The following AFF3 variants were observed in gnomAD, a reference collection of about 807,000 sequenced individuals.
The protein encoded by AFF3 is ALF transcription elongation factor 3, also known as AF4/FMR2 family member 3.
AFF3 carries 32 observed loss-of-function variants against 129.7 expected under a neutral mutation model. That is an observed-to-expected ratio of 0.25 (90% CI 0.19 to 0.33). The LOEUF (loss-of-function observed/expected upper bound fraction) is 0.33. AFF3 is among the 10% of genes least tolerant of loss of function. The pLI, the probability that AFF3 is intolerant of heterozygous loss-of-function variation, is 1.00. For synonymous variants in AFF3, 644 were observed against 635.4 expected, an observed-to-expected ratio of 1.01 and a Z score of -0.20; for missense variants, 1,373 against 1,592.0, an observed-to-expected ratio of 0.86 and a Z score of 2.34.
intron 13 of AFF3, among the ~76,000 whole-genome samples, chr2:99,611,691 A>G (rs1237314004): frequency 2.6e-5 from 4 of 152,160 alleles, no homozygotes; most frequent in Non-Finnish European, 5.9e-5. Context: ...GTTCGAGAGC[A>G]GCCTGGCCAA....
intron 2 of AFF3, chr2:100,106,867 A>G (rs1021191870): frequency 1.4e-5 from 14 of 985,292 alleles, no homozygotes; most frequent in Non-Finnish European, 1.4e-5. Context: ...ATGATCCCAG[A>G]AAAGGAAAGA....
At chr2:99,754,538 A>C (rs1456599937) in intron 8 of AFF3, among the ~76,000 whole-genome samples, 1 of 152,270 alleles carries the variant, frequency 6.6e-6, no homozygotes, top group Non-Finnish European at 1.5e-5. Flanking sequence ...GCTAAAATCC[A>C]AAAAGATAAA....
chr2:99,895,660 C>T (rs1693881334), intron 7 of AFF3, among the ~76,000 whole-genome samples: 1 of 152,062 alleles, frequency 6.6e-6, no homozygotes, highest in East Asian at 1.9e-4. Flanking sequence ...TCCATCCTTG[C>T]TGACGAACAG....
At chr2:99,860,802 T>C (rs913612391) in intron 7 of AFF3, among the ~76,000 whole-genome samples, 35 of 152,106 alleles carry the variant, frequency 2.3e-4, no homozygotes, top group Non-Finnish European at 2.6e-4. Context: ...TCACCTGACA[T>C]ATGTATATAT....
At chr2:99,727,291 T>C (rs1679438047) in intron 10 of AFF3, among the ~76,000 whole-genome samples, 163 bp from the exon 11 acceptor site, 1 of 152,206 alleles carries the variant, frequency 6.6e-6, no homozygotes, top group Non-Finnish European at 1.5e-5. Flanking sequence ...ATTTGCAAAA[T>C]AATTTCTTTT....
At chr2:100,130,423 G>A (rs1045261579) in intron 1 of AFF3, among the ~76,000 whole-genome samples, 1 of 152,152 alleles carries the variant, frequency 6.6e-6, no homozygotes, top group Non-Finnish European at 1.5e-5. Context: ...GCACCCCATG[G>A]GCACAGGGCT....
rs576287750 is a variant in AFF3 at position 99,948,038 on chromosome 2, T to C, written c.873+58594A>G. Among the ~76,000 whole-genome samples, 10 of 152,156 alleles carry C rather than the reference T, an allele frequency of 6.6e-5. 1 individual carries two copies. The South Asian group carries it at 1.9e-3, about 28-fold the overall frequency. On this transcript the variant is annotated intron_variant, in intron 7 of 24. Coordinates refer to ENST00000672756, the MANE Select transcript of AFF3 (RefSeq NM_001386135.1). ...ACTGAATGCTTTTAAGCCAAGAAGGTTGTGACAATTGTATTTAAAAGCAAT... is the reference window on the plus strand; with the variant it reads ...ACTGAATGCTTTTAAGCCAAGAAGGCTGTGACAATTGTATTTAAAAGCAAT...
At chr2:100,059,115 T>C (rs1218090454) in intron 4 of AFF3, among the ~76,000 whole-genome samples, 1 of 151,568 alleles carries the variant, frequency 6.6e-6, no homozygotes, top group Non-Finnish European at 1.5e-5. Flanking sequence ...TAGCCAGGCT[T>C]GGTGGTGGGT....
intron 11 of AFF3, among the ~76,000 whole-genome samples, chr2:99,693,598 G>A (rs6744428): frequency 6.6e-6 from 1 of 151,950 alleles, no homozygotes; most frequent in Non-Finnish European, 1.5e-5. Flanking sequence ...CAATTTGTAA[G>A]TCTTAGATTT....
intron 1 of AFF3, among the ~76,000 whole-genome samples, chr2:100,130,858 C>T (rs1478045379): frequency 2.0e-5 from 3 of 152,034 alleles, no homozygotes; most frequent in Non-Finnish European, 4.4e-5. Context: ...AGGGCACCTG[C>T]TAGGCCAGAA....
intron 7 of AFF3, among the ~76,000 whole-genome samples, chr2:99,963,881 T>A (rs1677474057): frequency 6.6e-6 from 1 of 152,034 alleles, no homozygotes; most frequent in Non-Finnish European, 1.5e-5. Context: ...TATTAGAAAC[T>A]GATTTCACAT....
At chr2:99,680,426 G>A (rs1004882722) in intron 11 of AFF3, among the ~76,000 whole-genome samples, 1 of 152,124 alleles carries the variant, frequency 6.6e-6, no homozygotes, top group Admixed American at 6.5e-5. Context: ...ATCCTTTCCC[G>A]GGCAGACAGC....
chr2:99,913,560 C>T (rs780044899), intron 7 of AFF3, among the ~76,000 whole-genome samples: 16 of 152,114 alleles, frequency 1.1e-4, no homozygotes, highest in African/African-American at 2.2e-4. Context: ...GTCCAATGAA[C>T]GGGCCTAGAA....
At chr2:99,770,388 C>A (rs1223107265) in intron 8 of AFF3, among the ~76,000 whole-genome samples, 1 of 152,226 alleles carries the variant, frequency 6.6e-6, no homozygotes, top group Admixed American at 6.5e-5. Flanking sequence ...GCAGTAGACT[C>A]CCCTCTGGCC....
chr2:99,653,729 C>A (rs964154600), intron 12 of AFF3, among the ~76,000 whole-genome samples: 1 of 152,154 alleles, frequency 6.6e-6, no homozygotes, highest in Non-Finnish European at 1.5e-5. Flanking sequence ...AACAAAAGGT[C>A]CTTCTGGGCC....
intron 7 of AFF3, among the ~76,000 whole-genome samples, chr2:99,871,308 C>T (rs895947752): frequency 6.6e-6 from 1 of 152,156 alleles, no homozygotes; most frequent in Non-Finnish European, 1.5e-5. Context: ...CAATTGGTTT[C>T]GGATGGACAG....
At chr2:99,990,033 A>G (rs558717842) in intron 7 of AFF3, among the ~76,000 whole-genome samples, 1 of 152,286 alleles carries the variant, frequency 6.6e-6, no homozygotes, top group Admixed American at 6.5e-5. Context: ...GTGGTCAAGA[A>G]AAGCTGTATT....
chr2:99,991,271 C>T (rs958057584), intron 7 of AFF3, among the ~76,000 whole-genome samples: 1 of 152,188 alleles, frequency 6.6e-6, no homozygotes, highest in African/African-American at 2.4e-5. Flanking sequence ...GCCTTTCACA[C>T]ACTTAACGCT....
intron 2 of AFF3, among the ~76,000 whole-genome samples, chr2:100,123,218 T>G (rs1457098469): frequency 1.3e-5 from 2 of 152,236 alleles, no homozygotes; most frequent in Non-Finnish European, 2.9e-5. Context: ...TTTTGTAGCA[T>G]GTAGTTCCTC....
Sources: allele counts gnomAD v4.1 joint callset (sites outside exome capture counted in the v4.1 genomes callset), GRCh38; gene constraint gnomAD v4.1.1; transcripts MANE v1.5; gene names NCBI Gene and HGNC (gene_info 2026-07-23, HGNC 2026-07-21).